The following ANO10 variants were observed in gnomAD, a reference collection of about 807,000 sequenced individuals.
ANO10 encodes anoctamin 10, also known as anoctamin-10.
ANO10 carries 77 observed loss-of-function variants against 74.7 expected under a neutral mutation model. That is an observed-to-expected ratio of 1.03 (90% CI 0.86 to 1.25). ANO10 has a LOEUF of 1.25. Ranked by LOEUF, ANO10 falls within the 50% of genes most tolerant of loss-of-function variation. The probability of loss-of-function intolerance (pLI) is 0.00; values close to 1 mark genes in which losing one functional copy is unlikely to be tolerated. For synonymous variants in ANO10, 279 were observed against 284.9 expected (o/e 0.98, Z 0.21); for missense variants, 721 against 778.1 (o/e 0.93, Z 0.87).
At chr3:43,536,220 A>G (rs1388241185) in intron 11 of ANO10, among the ~76,000 whole-genome samples, 1 of 152,232 alleles carries the variant, frequency 6.6e-6, no homozygotes, top group African/African-American at 2.4e-5. Context: ...AAAAAGTACC[A>G]AATACAAACT....
At chr3:43,426,151 A>G (rs1363753161) in intron 12 of ANO10, among the ~76,000 whole-genome samples, 1 of 151,912 alleles carries the variant, frequency 6.6e-6, no homozygotes. Flanking sequence ...TATACCTCAC[A>G]TGTATTTATT....
At chr3:43,534,201 T>C (rs1195338798) in intron 11 of ANO10, among the ~76,000 whole-genome samples, 1 of 152,242 alleles carries the variant, frequency 6.6e-6, no homozygotes, top group Non-Finnish European at 1.5e-5. Context: ...AATACCTTTC[T>C]AGTTTGCACA....
intron 11 of ANO10, among the ~76,000 whole-genome samples, chr3:43,487,207 A>T (rs1184917803): frequency 6.6e-6 from 1 of 151,472 alleles, no homozygotes; most frequent in Non-Finnish European, 1.5e-5. Context: ...TCGTTTTGCC[A>T]GTATTTTATT....
At chr3:43,627,276 A>C (rs1326443038) in intron 1 of ANO10, among the ~76,000 whole-genome samples, 1 of 152,266 alleles carries the variant, frequency 6.6e-6, no homozygotes, top group African/African-American at 2.4e-5. Context: ...TTTAATAAAG[A>C]GAACTAAGTT....
intron 11 of ANO10, among the ~76,000 whole-genome samples, chr3:43,518,806 C>T (rs1374548087): frequency 1.3e-5 from 2 of 152,156 alleles, no homozygotes; most frequent in Admixed American, 1.3e-4. Context: ...TGCTCTCAAA[C>T]CCTGTCTCCT....
intron 11 of ANO10, among the ~76,000 whole-genome samples, chr3:43,451,481 C>T (rs547515647): frequency 1.2e-4 from 18 of 152,258 alleles, no homozygotes; most frequent in East Asian, 1.2e-3. Flanking sequence ...CTTTCTCTAA[C>T]GAAAGTCCTG....
intron 11 of ANO10, among the ~76,000 whole-genome samples, chr3:43,518,740 A>G (rs1368356566): frequency 1.3e-5 from 2 of 152,118 alleles, no homozygotes; most frequent in Non-Finnish European, 2.9e-5. Flanking sequence ...TAGTGCCCCC[A>G]GGCCTATTAG....
intron 11 of ANO10, among the ~76,000 whole-genome samples, chr3:43,521,514 T>C (rs890143640): frequency 2.0e-5 from 3 of 152,170 alleles, no homozygotes; most frequent in Non-Finnish European, 4.4e-5. Context: ...ACAAATGATA[T>C]AGTTGAGATG....
intron 4 of ANO10, among the ~76,000 whole-genome samples, chr3:43,591,762 G>T (rs888314733): frequency 6.6e-6 from 1 of 152,188 alleles, no homozygotes; most frequent in Non-Finnish European, 1.5e-5. Context: ...GCAGGACAGT[G>T]GGTGCAGCGC....
intron 12 of ANO10, among the ~76,000 whole-genome samples, chr3:43,422,038 G>A (rs541214591): frequency 1.3e-5 from 2 of 152,262 alleles, no homozygotes; most frequent in African/African-American, 4.8e-5. Flanking sequence ...GACCATCATG[G>A]CAATGCAATT....
intron 12 of ANO10, among the ~76,000 whole-genome samples, chr3:43,420,099 T>C (rs1341950245): frequency 6.6e-6 from 1 of 152,210 alleles, no homozygotes; most frequent in African/African-American, 2.4e-5. Flanking sequence ...TCTATGTTTA[T>C]TACATAATAT....
At chr3:43,457,510 T>G (rs1405195864) in intron 11 of ANO10, among the ~76,000 whole-genome samples, 2 of 152,112 alleles carry the variant, frequency 1.3e-5, no homozygotes, top group Non-Finnish European at 2.9e-5. Context: ...CCAGATCTCA[T>G]GAGAACTCAC....
chr3:43,681,652 A>G (rs1028472342), intron 1 of ANO10, among the ~76,000 whole-genome samples: 7 of 152,214 alleles, frequency 4.6e-5, no homozygotes, highest in African/African-American at 1.7e-4. Flanking sequence ...TACCACACCT[A>G]TTCCAAAATT....
chr3:43,600,317 G>C, intron 3 of ANO10, 67 bp downstream of exon 3: 2 of 1,574,536 alleles, frequency 1.3e-6, no homozygotes, highest in Non-Finnish European at 1.7e-6. Context: ...GCTGATCCCT[G>C]ATCTATTCAT....
chr3:43,495,303 A>G (rs986412840), intron 11 of ANO10, among the ~76,000 whole-genome samples: 1 of 152,140 alleles, frequency 6.6e-6, no homozygotes, highest in African/African-American at 2.4e-5. Context: ...TCAAAACTCC[A>G]CCAAGAAATT....
chr3:43,662,878 T>G (rs1484730312), intron 1 of ANO10, among the ~76,000 whole-genome samples: 1 of 152,128 alleles, frequency 6.6e-6, no homozygotes, highest in African/African-American at 2.4e-5. Flanking sequence ...AATAACAGGT[T>G]CTGAAATTGA....
intron 12 of ANO10, among the ~76,000 whole-genome samples, chr3:43,407,232 G>A (rs563062281): frequency 7.2e-5 from 11 of 152,166 alleles, no homozygotes; most frequent in Admixed American, 4.6e-4. Context: ...AGATCACCTG[G>A]TCCACCTTGT....
intron 11 of ANO10, among the ~76,000 whole-genome samples, chr3:43,516,631 T>C (rs1375048188): frequency 6.6e-6 from 1 of 152,040 alleles, no homozygotes; most frequent in Non-Finnish European, 1.5e-5. Context: ...TCAAGGATAG[T>C]AGTGAGGTGC....
chr3:43,547,631 C>G (rs2079258141), intron 11 of ANO10, among the ~76,000 whole-genome samples: 1 of 152,136 alleles, frequency 6.6e-6, no homozygotes, highest in Non-Finnish European at 1.5e-5. Flanking sequence ...TAGAGGGTAA[C>G]AGCCAAGTAT....
Sources: allele counts gnomAD v4.1 joint callset (sites outside exome capture counted in the v4.1 genomes callset), GRCh38; gene constraint gnomAD v4.1.1; transcripts MANE v1.5; gene names NCBI Gene and HGNC (gene_info 2026-07-23, HGNC 2026-07-21).